Variants in PDIA2 observed in about 807,000 individuals in gnomAD.
PDIA2 encodes protein disulfide-isomerase A2.
In PDIA2, 76 loss-of-function variants were observed where a neutral mutation model predicts 51.1. That is an observed-to-expected ratio of 1.49 (90% CI 1.24 to 1.80). The LOEUF is 1.80. Ranked by LOEUF, PDIA2 falls within the 40% of genes most tolerant of loss-of-function variation. The pLI is 0.00. For synonymous variants in PDIA2, 429 were observed against 309.9 expected, an observed-to-expected ratio of 1.38 and a Z score of -4.04; for missense variants, 946 against 706.5, an observed-to-expected ratio of 1.34 and a Z score of -3.84.
At position 284,379 on chromosome 16, in the gene PDIA2, T is replaced by G; in HGVS notation, c.200-8T>G. The G allele has an allele frequency of 6.5e-7, 1 of 1,547,096 alleles. No individual in the cohort carries two copies. Among genetic ancestry groups the G allele is most frequent in the South Asian group, 1.2e-5 (1 of 84,732 alleles). On this transcript the variant is annotated splice_polypyrimidine_tract_variant and splice_region_variant and intron_variant, in intron 1 of 10. Transcript: ENST00000219406. ...GTGGCCTGGGGCACTCACGGCCCCATCCCCCAGATGCCCCGTGGTGTGGGC... is the reference window on the plus strand; with the variant it reads ...GTGGCCTGGGGCACTCACGGCCCCAGCCCCCAGATGCCCCGTGGTGTGGGC...
At chr16:286,495 G>T (rs1049212415) in intron 8 of PDIA2, 22 bp downstream of exon 8, 6 of 1,613,176 alleles carry the variant, frequency 3.7e-6, no homozygotes, top group Non-Finnish European at 5.1e-6. Flanking sequence ...GGGAGGCAGG[G>T]GTGGTGTGGG....
In PDIA2 at chr16:284,695, G is replaced by T; in HGVS notation, c.443G>T (p.Arg148Leu). 1.9e-6 allele frequency: 3 copies of T among 1,583,780 alleles called. No individual in the cohort carries two copies. In the South Asian group the frequency reaches 3.4e-5, roughly 18 times the overall value. ...RDAEGIAEWL[R>L]RRVGPSAMRL... ...GCTGAGGGCATTGCCGAGTGGCTGC[G>T]ACGGCGGGTGGGGCCCAGTGCCATG... is the stretch of plus-strand genomic sequence containing the variant. Residue 148 changes from arginine to leucine, a missense_variant, in exon 3 of 11, where the codon CGA becomes CTA. Coordinates refer to ENST00000219406, the MANE Select transcript of PDIA2 (RefSeq NM_006849.4).
At chr16:283,506 AGG>A in intron 1 of PDIA2, 138 bp downstream of exon 1, 1 of 942,746 alleles carries the variant, frequency 1.1e-6, no homozygotes, top group Non-Finnish European at 1.5e-6. Context: ...CACTGTGCCC[AGG>A]AGCTCTCTAG....
Position 286,386 on chromosome 16 carries a change from T to G in PDIA2, c.1153T>G (p.Trp385Gly). 6.2e-7 allele frequency: 1 copy of G among 1,610,194 alleles called. No homozygotes were observed. The highest frequency in any genetic ancestry group is 8.5e-7 in the Non-Finnish European group (1 of 1,179,150). ...CCTGAGCCAGGAGATACCCCCTGAT[T>G]GGGATCAGCGGCCAGTTAAGACCCT... is the stretch of plus-strand genomic sequence containing the variant. ...YLLSQEIPPDWDQRPVKTLVG... is the reference protein window; with the variant it reads ...YLLSQEIPPDGDQRPVKTLVG... Residue 385 changes from tryptophan (W) to glycine (G), a missense_variant, in exon 8 of 11, where the codon TGG becomes GGG. Coordinates refer to ENST00000219406, the MANE Select transcript of PDIA2 (RefSeq NM_006849.4).
Position 284,652 on chromosome 16 carries a change from C to G in PDIA2, c.407-7C>G. ...GCCAGGCCGAGGCTGAGGGGGACTC[C>G]CTGCAGGACCACGGGACGCTGAGGG... On this transcript the variant is annotated splice_polypyrimidine_tract_variant and splice_region_variant and intron_variant, in intron 2 of 10. Coordinates refer to ENST00000219406, the MANE Select transcript of PDIA2 (RefSeq NM_006849.4). 6.3e-7 allele frequency: 1 copy of G among 1,597,990 alleles called. No individual in the cohort carries two copies. Among genetic ancestry groups the G allele is most frequent in the Non-Finnish European group, 8.5e-7 (1 of 1,176,726 alleles).
In PDIA2 at chr16:286,381, CT is replaced by C. The variant is rs768884554; in HGVS notation, c.1149del (p.Asp384IlefsTer92). The C allele has an allele frequency of 1.8e-5, 29 of 1,610,332 alleles. No individual in the cohort carries two copies. Among genetic ancestry groups the C allele is most frequent in the Admixed American group, 1.7e-5 (1 of 59,806 alleles). On this transcript the variant is annotated frameshift_variant, in exon 8 of 11. Coordinates refer to ENST00000219406, the MANE Select transcript of PDIA2 (RefSeq NM_006849.4). LOFTEE classifies it high-confidence loss of function. ...KPYLLSQEIPPDWDQRPVKTL... is the reference protein window; with the variant it reads ...KPYLLSQEIPXDWDQRPVKTL... ...TATCTCCTGAGCCAGGAGATACCCC[CT>C]GATTGGGATCAGCGGCCAGTTAAGA...
rs754315320 is a variant in PDIA2, at chr16:286,348, C to A, written c.1120-5C>A. 7.5e-6 allele frequency: 12 copies of A among 1,606,602 alleles called. No homozygotes were observed. Among genetic ancestry groups the A allele is most frequent in the Non-Finnish European group, 8.5e-6 (10 of 1,177,914 alleles). On this transcript the variant is annotated splice_polypyrimidine_tract_variant and splice_region_variant and intron_variant, in intron 7 of 10. Coordinates refer to ENST00000219406, the MANE Select transcript of PDIA2 (RefSeq NM_006849.4). ...TGGCAAAGCGCCTGTCCTGGTTTCCCCCAGCCCTATCTCCTGAGCCAGGAG... is the reference window on the plus strand; with the variant it reads ...TGGCAAAGCGCCTGTCCTGGTTTCCACCAGCCCTATCTCCTGAGCCAGGAG...
intron 7 of PDIA2, 116 bp from the exon 8 acceptor site, chr16:286,237 C>A (rs2141452253): frequency 1.0e-5 from 1 of 96,152 alleles, no homozygotes; most frequent in Admixed American, 1.2e-4. Context: ...CCACACAGAA[C>A]CTCCCCCTGC....
chr16:286,946 G>T lies in PDIA2; in HGVS notation c.1533+1G>T, dbSNP rs539659509. On this transcript the variant is annotated splice_donor_variant, in intron 10 of 10. Coordinates refer to ENST00000219406, the MANE Select transcript of PDIA2 (RefSeq NM_006849.4). LOFTEE classifies it high-confidence loss of function. ...GGAGGAGCCAGCAGCCCCGTTCCCG[G>T]TGGGTGTCCCTAAGCCAGGGCTCCA... is the stretch of plus-strand genomic sequence containing the variant. The T allele has an allele frequency of 5.5e-5, 88 of 1,601,140 alleles. No individual in the cohort carries two copies. In the African/African-American group the frequency reaches 9.7e-4, roughly 18 times the overall value.
Position 286,438 on chromosome 16 carries a change from CT to C in PDIA2, c.1209del (p.Phe403LeufsTer73). 3 of 1,612,994 alleles carry C rather than the reference CT, an allele frequency of 1.9e-6. No homozygotes were observed. Among genetic ancestry groups the C allele is most frequent in the East Asian group, 4.5e-5 (2 of 44,820 alleles). On this transcript the variant is annotated frameshift_variant, in exon 8 of 11. Transcript: ENST00000219406. LOFTEE classifies it high-confidence loss of function. The stretch of plus-strand genomic sequence containing the variant: ...GTGGGCAAGAATTTTGAGCAGGTGG[CT>C]TTTGACGAAACCAAGAATGTGTTTG... ...TLVGKNFEQV[A>X]FDETKNVFVK...
intron 7 of PDIA2, among the ~76,000 whole-genome samples, chr16:285,925 TCCCAACCCCAAC>T (rs371090480): frequency 0.014 from 315 of 23,242 alleles, 3 homozygotes; most frequent in Middle Eastern, 0.11. Context: ...CCCGCGGTTC[TCCCAACCCCAAC>T]CCCAACCCCA....
chr16:284,018 C>G (rs1485961528), intron 1 of PDIA2: 2 of 324,764 alleles, frequency 6.2e-6, no homozygotes, highest in South Asian at 6.0e-5. Context: ...GCATACGCAA[C>G]CAATCCCGGC....
In PDIA2 at chr16:285,495, C is replaced by T; in HGVS notation, c.922-11C>T. 2 of 1,612,674 alleles carry T rather than the reference C, an allele frequency of 1.2e-6. No individual in the cohort carries two copies. The highest frequency in any genetic ancestry group is 1.7e-5 in the Admixed American group (1 of 60,016). On this transcript the variant is annotated splice_polypyrimidine_tract_variant and intron_variant, in intron 6 of 10. Coordinates refer to ENST00000219406, the MANE Select transcript of PDIA2 (RefSeq NM_006849.4). ...AGAGTGGCCGGTGCCAGCATGGACT[C>T]CCTGCCACAGGTGCTGTTCGTGGTG...
intron 7 of PDIA2, among the ~76,000 whole-genome samples, chr16:286,083 C>G (rs1357619355): frequency 5.1e-5 from 6 of 117,478 alleles, no homozygotes; most frequent in East Asian, 2.2e-4. Flanking sequence ...GTCCCTCCCC[C>G]CACCAAACCC....
At chr16:286,814 G>GA in intron 9 of PDIA2, 21 bp from the exon 10 acceptor site, 1 of 1,611,274 alleles carries the variant, frequency 6.2e-7, no homozygotes, top group Non-Finnish European at 8.5e-7. Context: ...GTGTCCTCCA[G>GA]ATCCCCCTGC....
rs759766478 is a variant in PDIA2, at chr16:284,775, G to C, written c.523G>C (p.Val175Leu). 14 of 1,569,392 alleles carry C rather than the reference G, an allele frequency of 8.9e-6. No homozygotes were observed. The highest frequency in any genetic ancestry group is 1.3e-5 in the African/African-American group (1 of 74,388). ...QALIGGRDLVVIGFFQDLQDE... is the reference protein window; with the variant it reads ...QALIGGRDLVLIGFFQDLQDE... ...GCTGATCGGTGGCCGGGACCTAGTG[G>C]TCATTGGCTTCTTCCAGGTGAGCCA... is the stretch of plus-strand genomic sequence containing the variant. The change falls in exon 3 of 11, where the codon GTC becomes CTC. Residue 175 changes from valine (V) to leucine (L), a missense_variant. Physicochemically the swap from Val to Leu is conservative, Grantham distance 32. Transcript: ENST00000219406.
intron 9 of PDIA2, 40 bp downstream of exon 9, chr16:286,775 A>G: frequency 6.2e-7 from 1 of 1,612,398 alleles, no homozygotes; most frequent in Non-Finnish European, 8.5e-7. Context: ...CCGGGGTGCC[A>G]TCTTGCTGGG....
intron 10 of PDIA2, 45 bp from the exon 11 acceptor site, chr16:287,012 CGGGGGCAGGGGT>C (rs1381079100): frequency 4.3e-6 from 7 of 1,611,610 alleles, no homozygotes; most frequent in East Asian, 4.5e-5. Flanking sequence ...CTGGCAGGGG[CGGGGGCAGGGGT>C]AGGCTGGGAG....
Position 287,125 on chromosome 16 carries a change from T to C in PDIA2, c.*12T>C, listed in dbSNP as rs201633014. 40 of 1,612,714 alleles carry C rather than the reference T, an allele frequency of 2.5e-5. 1 individual carries two copies. In the African/African-American group the frequency reaches 4.9e-4, roughly 20 times the overall value. On this transcript the variant is annotated 3_prime_UTR_variant, in exon 11 of 11. Transcript: ENST00000219406. ...AGGAGGAACTGTAGCTGCCCCCGTGTCACCCCCGCCATCACTGCTGGACAG... is the reference window on the plus strand; with the variant it reads ...AGGAGGAACTGTAGCTGCCCCCGTGCCACCCCCGCCATCACTGCTGGACAG...
Sources: gnomAD v4.1 joint callset for allele counts (sites outside exome capture counted in the v4.1 genomes callset) on GRCh38, gnomAD v4.1.1 for gene constraint, MANE v1.5 for transcripts, NCBI Gene and HGNC (gene_info 2026-07-23, HGNC 2026-07-21) for gene names.